DPP10: variants seen among roughly 807,000 people sequenced by gnomAD.
DPP10 encodes inactive dipeptidyl peptidase 10.
A neutral mutation model predicts 120.9 loss-of-function variants in DPP10; 33 were observed. The observed-to-expected ratio is 0.27, with a 90% CI of 0.21 to 0.37. The LOEUF (loss-of-function observed/expected upper bound fraction) is 0.37. Ranked by LOEUF, DPP10 falls within the 10% of genes least tolerant of loss-of-function variation. The pLI, the probability that DPP10 is intolerant of heterozygous loss-of-function variation, is 1.00. For missense variants in DPP10, 816 were observed against 942.8 expected, an observed-to-expected ratio of 0.87 and a Z score of 1.76; for synonymous variants, 337 against 326.1, an observed-to-expected ratio of 1.03 and a Z score of -0.36.
intron 7 of DPP10, among the ~76,000 whole-genome samples, chr2:115,715,168 T>C (rs1352205043): frequency 1.3e-5 from 2 of 151,256 alleles, no homozygotes; most frequent in African/African-American, 4.9e-5. Context: ...GGAGAAACTC[T>C]GTCTCTACTA....
At chr2:115,344,707 G>A (rs2063625175) in intron 3 of DPP10, among the ~76,000 whole-genome samples, 1 of 152,196 alleles carries the variant, frequency 6.6e-6, no homozygotes, top group African/African-American at 2.4e-5. Flanking sequence ...TAATGTGTTG[G>A]TGAAAAGGAA....
At chr2:114,964,770 C>T (rs1698885310) in intron 1 of DPP10, among the ~76,000 whole-genome samples, 1 of 152,098 alleles carries the variant, frequency 6.6e-6, no homozygotes. Context: ...CTTTTCCTCT[C>T]AGTGTGGGAG....
At chr2:114,906,024 TTTA>T (rs1401382771) in intron 1 of DPP10, among the ~76,000 whole-genome samples, 1 of 152,180 alleles carries the variant, frequency 6.6e-6, no homozygotes, top group African/African-American at 2.4e-5. Context: ...CTGAATGTCT[TTTA>T]TTTTATTTTC....
At chr2:114,618,924 T>C (rs949426426) in intron 1 of DPP10, among the ~76,000 whole-genome samples, 8 of 152,058 alleles carry the variant, frequency 5.3e-5, no homozygotes, top group African/African-American at 1.4e-4. Flanking sequence ...TCGTAATTTC[T>C]ACATCACTCT....
At chr2:115,421,105 CT>C (rs2069912189) in intron 3 of DPP10, among the ~76,000 whole-genome samples, 1 of 149,604 alleles carries the variant, frequency 6.7e-6, no homozygotes, top group South Asian at 2.1e-4. Flanking sequence ...TTTTACTTCT[CT>C]TTTTCCCCAC....
chr2:114,739,575 C>T (rs750375906), intron 1 of DPP10, among the ~76,000 whole-genome samples: 43 of 152,098 alleles, frequency 2.8e-4, no homozygotes, highest in Non-Finnish European at 4.7e-4. Context: ...AGGAGAATCG[C>T]TTGAACCTGG....
At chr2:114,947,235 G>T (rs1425188102) in intron 1 of DPP10, among the ~76,000 whole-genome samples, 1 of 151,838 alleles carries the variant, frequency 6.6e-6, no homozygotes, top group African/African-American at 2.4e-5. Context: ...GGTGATTGTT[G>T]TTCCTTTATG....
chr2:114,915,530 G>A (rs910736608), intron 1 of DPP10, among the ~76,000 whole-genome samples: 1 of 152,118 alleles, frequency 6.6e-6, no homozygotes, highest in African/African-American at 2.4e-5. Flanking sequence ...CCATCCAACA[G>A]TAACATAATA....
chr2:115,056,953 T>C (rs992525411), intron 1 of DPP10, among the ~76,000 whole-genome samples: 13 of 152,234 alleles, frequency 8.5e-5, no homozygotes, highest in Non-Finnish European at 1.5e-4. Flanking sequence ...TGTTCACAAA[T>C]GAAGGCAGAT....
intron 1 of DPP10, among the ~76,000 whole-genome samples, chr2:114,836,167 C>T (rs1687718044): frequency 6.6e-6 from 1 of 152,144 alleles, no homozygotes; most frequent in South Asian, 2.1e-4. Flanking sequence ...CCTGAATTCC[C>T]ACCTAAAAAT....
In DPP10 at chr2:115,844,596, C is replaced by T. The variant is rs1178712335; in HGVS notation, c.*2251C>T. Reference sequence around the variant, plus strand: ...AAGGAAATGCTCACCAACACATAGTCACCAACTATTAAAGGAATCATGTGA... The same window carrying T: ...AAGGAAATGCTCACCAACACATAGTTACCAACTATTAAAGGAATCATGTGA... On this transcript the variant is annotated 3_prime_UTR_variant, in exon 26 of 26. Transcript: ENST00000410059. The T allele has an allele frequency of 6.6e-6, 1 of 152,076 alleles. No individual in the cohort carries two copies. The highest frequency in any genetic ancestry group is 1.5e-5 in the Non-Finnish European group (1 of 68,004). 9.4% of individuals were successfully genotyped at this position (152,076 alleles called of 1,614,324 possible). A position where few individuals can be genotyped will look rare whatever the true frequency, so the allele number is the denominator to read the frequency against.
chr2:115,515,247 T>C (rs1043206195), intron 4 of DPP10, among the ~76,000 whole-genome samples: 2 of 152,032 alleles, frequency 1.3e-5, no homozygotes, highest in Non-Finnish European at 2.9e-5. Context: ...TATTCCAGTG[T>C]ATTGGTGAGT....
chr2:114,884,299 G>A (rs1036102619), intron 1 of DPP10, among the ~76,000 whole-genome samples: 6 of 152,158 alleles, frequency 3.9e-5, no homozygotes, highest in Non-Finnish European at 8.8e-5. Context: ...TTCTTAAAGA[G>A]CACACATTTA....
intron 1 of DPP10, among the ~76,000 whole-genome samples, chr2:114,855,500 A>G (rs1273631528): frequency 6.6e-6 from 1 of 152,206 alleles, no homozygotes; most frequent in Non-Finnish European, 1.5e-5. Context: ...TAAGACTTCA[A>G]AATTTCAGAA....
At chr2:114,684,091 C>CAGT (rs1175238825) in intron 1 of DPP10, among the ~76,000 whole-genome samples, 1 of 151,948 alleles carries the variant, frequency 6.6e-6, no homozygotes, top group African/African-American at 2.4e-5. Context: ...TCTCCATACC[C>CAGT]AGTAAGTCAT....
At chr2:115,603,476 G>C (rs2083477213) in intron 5 of DPP10, among the ~76,000 whole-genome samples, 3 of 151,632 alleles carry the variant, frequency 2.0e-5, no homozygotes, top group Admixed American at 6.6e-5. Context: ...AAGGGTGTAA[G>C]CTCAGGCCCT....
chr2:115,079,875 C>T (rs1708123692), intron 1 of DPP10, among the ~76,000 whole-genome samples: 1 of 152,158 alleles, frequency 6.6e-6, no homozygotes, highest in East Asian at 1.9e-4. Flanking sequence ...CTACTAGTTG[C>T]CTCATTGTTG....
intron 5 of DPP10, among the ~76,000 whole-genome samples, chr2:115,666,198 CT>C (rs1281695899): frequency 2.0e-5 from 3 of 152,186 alleles, no homozygotes; most frequent in African/African-American, 7.2e-5. Flanking sequence ...CATTTTCATG[CT>C]GCTATGAAGC....
chr2:115,024,526 A>G lies in DPP10; in HGVS notation c.61-284713A>G, dbSNP rs531088410. Among the ~76,000 whole-genome samples the G allele has an allele frequency of 2.6e-5, 4 of 151,696 alleles. No individual in the cohort carries two copies. The East Asian group carries it at 7.7e-4, about 29-fold the overall frequency. ...TTTTTCTTATTTTTATTTATACATAACAGATGCACATGTTTTCAGGGTACA... is the reference window on the plus strand; with the variant it reads ...TTTTTCTTATTTTTATTTATACATAGCAGATGCACATGTTTTCAGGGTACA... On this transcript the variant is annotated intron_variant, in intron 1 of 25. Coordinates refer to ENST00000410059, the MANE Select transcript of DPP10 (RefSeq NM_020868.6).
Sources: allele counts gnomAD v4.1 joint callset (sites outside exome capture counted in the v4.1 genomes callset), GRCh38; gene constraint gnomAD v4.1.1; transcripts MANE v1.5; gene names NCBI Gene and HGNC (gene_info 2026-07-23, HGNC 2026-07-21).